The following RNF212B variants were observed in gnomAD, a reference collection of about 807,000 sequenced individuals.
RNF212B encodes the protein E3 ubiquitin-protein ligase RNF212B.
In RNF212B, 52 loss-of-function variants were observed where a neutral mutation model predicts 55.5. The observed-to-expected ratio is 0.94, with a 90% CI of 0.75 to 1.18. The LOEUF (loss-of-function observed/expected upper bound fraction) is 1.18. RNF212B is among the 50% of genes most tolerant of loss of function. The probability of loss-of-function intolerance (pLI) is 0.00; values close to 1 mark genes in which losing one functional copy is unlikely to be tolerated. For missense variants in RNF212B, 289 were observed against 350.4 expected, an observed-to-expected ratio of 0.82 and a Z score of 1.40; for synonymous variants, 99 against 121.4, an observed-to-expected ratio of 0.82 and a Z score of 1.21.
In RNF212B at chr14:23,240,377, G is replaced by C; in HGVS notation, c.32G>C (p.Arg11Pro). MDWFHCNQCFRKDGAHFFVTS... is the reference protein window; with the variant it reads MDWFHCNQCFPKDGAHFFVTS... The stretch of plus-strand genomic sequence containing the variant: ...TGGTTTCATTGCAACCAGTGCTTCC[G>C]AAAAGATGGGGCCCATTTCTTTGTC... The change falls in exon 2 of 15, where the codon CGA (arginine) becomes CCA (proline). Residue 11 changes from arginine to proline, a missense_variant. By Grantham distance (103) the Arg-to-Pro change is moderately radical. Coordinates refer to ENST00000430154, the MANE Select transcript of RNF212B (RefSeq NM_001282322.3). 6.5e-7 allele frequency: 1 copy of C among 1,550,332 alleles called. No homozygotes were observed. Among genetic ancestry groups the C allele is most frequent in the Non-Finnish European group, 8.7e-7 (1 of 1,146,876 alleles).
intron 5 of RNF212B, 25 bp from the exon 6 acceptor site, chr14:23,259,859 C>A (rs1398556637): frequency 7.1e-7 from 1 of 1,408,852 alleles, no homozygotes; most frequent in East Asian, 2.6e-5. Context: ...TTTGCTGGAG[C>A]TGATTGTTTC....
chr14:23,210,776 CAAAAA>C (rs1160221876), intron 2 of RNF212B, among the ~76,000 whole-genome samples: 2 of 60,848 alleles, frequency 3.3e-5, no homozygotes, highest in Admixed American at 2.8e-4. Flanking sequence ...GACTCTGTCT[CAAAAA>C]AAAAAAAAAA....
At chr14:23,244,665 T>G (rs770803865) in intron 4 of RNF212B, among the ~76,000 whole-genome samples, 35 of 152,234 alleles carry the variant, frequency 2.3e-4, no homozygotes, top group South Asian at 6.2e-4. Flanking sequence ...GACTAAAGGT[T>G]GTTTTAGGGA....
chr14:23,221,526 C>T (rs923638868), intron 2 of RNF212B, among the ~76,000 whole-genome samples: 1 of 152,162 alleles, frequency 6.6e-6, no homozygotes, highest in African/African-American at 2.4e-5. Flanking sequence ...GAAAGACAGA[C>T]TCCAATACGG....
chr14:23,236,490 T>G (rs903019811), upstream of RNF212B, among the ~76,000 whole-genome samples: 14 of 152,006 alleles, frequency 9.2e-5, no homozygotes, highest in African/African-American at 2.9e-4. Flanking sequence ...ACTCCAGCCC[T>G]GGCGACAGAG....
At chr14:23,230,674 A>C (rs1421220843) in intron 2 of RNF212B, among the ~76,000 whole-genome samples, 1 of 151,074 alleles carries the variant, frequency 6.6e-6, no homozygotes, top group Non-Finnish European at 1.5e-5. Context: ...AAAAAAAAAA[A>C]AAAAAAAAAC....
At chr14:23,188,498 A>C (rs1877817042) in intron 1 of RNF212B, among the ~76,000 whole-genome samples, 1 of 143,282 alleles carries the variant, frequency 7.0e-6, no homozygotes, top group African/African-American at 2.6e-5. Flanking sequence ...TCTCACTCTC[A>C]CTCTGTCACC....
chr14:23,240,571 G>C (rs987736306), intron 2 of RNF212B, 126 bp downstream of exon 2: 2 of 552,162 alleles, frequency 3.6e-6, no homozygotes, highest in African/African-American at 1.9e-5. Context: ...TAAAGATACT[G>C]TAGGAAACTG....
chr14:23,242,286 C>T (rs572974217), intron 2 of RNF212B, among the ~76,000 whole-genome samples: 3 of 152,132 alleles, frequency 2.0e-5, no homozygotes, highest in African/African-American at 7.2e-5. Flanking sequence ...CTCCGTGAAG[C>T]ATATGCCATG....
intron 2 of RNF212B, among the ~76,000 whole-genome samples, chr14:23,217,257 G>C (rs904404577): frequency 4.8e-5 from 1 of 20,826 alleles, no homozygotes. Flanking sequence ...GGCAGTGGTG[G>C]GGGGGGGGCT....
At chr14:23,272,786 T>A in intron 14 of RNF212B, 37 bp from the exon 15 acceptor site, 1 of 1,426,058 alleles carries the variant, frequency 7.0e-7, no homozygotes, top group Non-Finnish European at 9.7e-7. Flanking sequence ...TTTGCTGTTA[T>A]AAACACCCAC....
At chr14:23,269,668 T>C (rs1885933933) in intron 12 of RNF212B, among the ~76,000 whole-genome samples, 195 bp from the exon 13 acceptor site, 1 of 150,772 alleles carries the variant, frequency 6.6e-6, no homozygotes, top group Non-Finnish European at 1.5e-5. Flanking sequence ...GCCATGATCA[T>C]ACTACTGCAC....
chr14:23,233,835 G>A (rs141141266), upstream of RNF212B, among the ~76,000 whole-genome samples: 3 of 152,034 alleles, frequency 2.0e-5, no homozygotes, highest in East Asian at 5.8e-4. Context: ...GGTGGCTCAT[G>A]CCTGTAATCC....
chr14:23,262,937 G>C lies in RNF212B; in HGVS notation c.491G>C (p.Arg164Pro), dbSNP rs767802200. 1.3e-6 allele frequency: 2 copies of C among 1,550,284 alleles called. No individual in the cohort carries two copies. The highest frequency in any genetic ancestry group is 2.7e-5 in the African/African-American group (2 of 73,002). ...ITSPSQSVTP[R>P]PSFQHSSQVV... ...CTTTATTCTCTTTCAGTTACCCCAC[G>C]ACCCAGTTTCCAGCATAGCAGTCAA... The change falls in exon 9 of 15, where the codon CGA becomes CCA. Residue 164 changes from arginine (R) to proline (P), a missense_variant. Transcript: ENST00000430154.
At chr14:23,244,453 T>G (rs1486660054) in intron 4 of RNF212B, 57 bp downstream of exon 4, 2 of 885,562 alleles carry the variant, frequency 2.3e-6, no homozygotes, top group African/African-American at 1.7e-5. Flanking sequence ...TAATTGCATC[T>G]TATTCCTTTA....
rs1243790406 is a variant in RNF212B, at chr14:23,262,921, CTT to C, written c.482-5_482-4del. 1 of 1,550,438 alleles carries C rather than the reference CTT, an allele frequency of 6.4e-7. No homozygotes were observed. Among genetic ancestry groups the C allele is most frequent in the Middle Eastern group, 1.7e-4 (1 of 5,992 alleles). On this transcript the variant is annotated splice_polypyrimidine_tract_variant and splice_region_variant and intron_variant, in intron 8 of 14. Coordinates refer to ENST00000430154, the MANE Select transcript of RNF212B (RefSeq NM_001282322.3). ...AACTTTTTATTCTGTACTTTATTCT[CTT>C]TCAGTTACCCCACGACCCAGTTTCC...
chr14:23,233,562 CAAAAAAAAA>C (rs35654046), upstream of RNF212B, among the ~76,000 whole-genome samples: 5 of 58,388 alleles, frequency 8.6e-5, no homozygotes, highest in Non-Finnish European at 1.2e-4. Flanking sequence ...CCCATCTCTA[CAAAAAAAAA>C]AAAAAAAAAA....
upstream of RNF212B, among the ~76,000 whole-genome samples, chr14:23,233,562 C>CAAAAAA (rs35654046): frequency 3.4e-5 from 2 of 58,382 alleles, no homozygotes; most frequent in African/African-American, 7.0e-5. Context: ...CCCATCTCTA[C>CAAAAAA]AAAAAAAAAA....
At chr14:23,232,161 G>C (rs1018921691) in intron 2 of RNF212B, among the ~76,000 whole-genome samples, 8 of 150,882 alleles carry the variant, frequency 5.3e-5, no homozygotes, top group South Asian at 2.1e-4. Context: ...AAGTGAGGAG[G>C]GCCTCTTCCC....
Sources: allele counts gnomAD v4.1 joint callset (sites outside exome capture counted in the v4.1 genomes callset), GRCh38; gene constraint gnomAD v4.1.1; transcripts MANE v1.5; gene names NCBI Gene and HGNC (gene_info 2026-07-23, HGNC 2026-07-21).